Variants in MGAT5 observed in about 807,000 individuals in gnomAD.
The protein encoded by MGAT5 is alpha-1,6-mannosylglycoprotein 6-beta-N-acetylglucosaminyltransferase A.
MGAT5 carries 30 observed loss-of-function variants against 94.3 expected under a neutral mutation model. The ratio of observed to expected loss-of-function variants is 0.32; its 90% CI spans 0.24 to 0.43. The LOEUF (loss-of-function observed/expected upper bound fraction) is 0.43. Among genes scored for constraint, MGAT5 ranks in the 20% least tolerant of loss-of-function variants. MGAT5 has a pLI of 1.00. For missense variants in MGAT5, 691 were observed against 905.5 expected, an observed-to-expected ratio of 0.76 and a Z score of 3.04; for synonymous variants, 310 against 322.9, an observed-to-expected ratio of 0.96 and a Z score of 0.43.
intron 2 of MGAT5, among the ~76,000 whole-genome samples, chr2:134,316,828 C>G (rs1384585677): frequency 6.6e-6 from 1 of 152,072 alleles, no homozygotes; most frequent in African/African-American, 2.4e-5. Flanking sequence ...AAGAAATGAC[C>G]CTTAGCTTCT....
rs113584578 is a variant in MGAT5, at chr2:134,160,306, C to T, written c.-143+40015C>T. 7.6e-3 allele frequency among the ~76,000 whole-genome samples: 1,162 copies of T among 152,208 alleles called. 11 individuals are homozygous for T. Among genetic ancestry groups the T allele is most frequent in the African/African-American group, 0.026 (1,066 of 41,544 alleles). ...CTCCTGCATCAGCCTCCCGAGCAGC[C>T]GGGACTACAGGCGCCTGCCACCAGG... On this transcript the variant is annotated intron_variant, in intron 1 of 16. Transcript: ENST00000409645.
At chr2:134,122,786 G>A (rs530341391) in intron 1 of MGAT5, among the ~76,000 whole-genome samples, 1 of 152,358 alleles carries the variant, frequency 6.6e-6, no homozygotes, top group South Asian at 2.1e-4. Flanking sequence ...GAGCTTTGCA[G>A]GGTTTGCACC....
chr2:134,141,392 A>G (rs568083007), intron 1 of MGAT5, among the ~76,000 whole-genome samples: 2 of 151,842 alleles, frequency 1.3e-5, no homozygotes, highest in East Asian at 1.9e-4. Context: ...CTTATTAGCT[A>G]TTATATTCCT....
chr2:134,259,014 C>G (rs572593596), intron 1 of MGAT5, among the ~76,000 whole-genome samples: 1 of 152,330 alleles, frequency 6.6e-6, no homozygotes, highest in African/African-American at 2.4e-5. Flanking sequence ...CCCAACCCAT[C>G]CTTGTTTTGG....
At chr2:134,439,806 A>C (rs557030357) in intron 14 of MGAT5, among the ~76,000 whole-genome samples, 2 of 152,082 alleles carry the variant, frequency 1.3e-5, no homozygotes, top group Admixed American at 1.3e-4. Context: ...TGCTACACCC[A>C]CCTCCATGCC....
At chr2:134,135,690 CAAAAAAAAAA>C (rs59026836) in intron 1 of MGAT5, among the ~76,000 whole-genome samples, 5 of 41,706 alleles carry the variant, frequency 1.2e-4, no homozygotes, top group Middle Eastern at 0.013. Flanking sequence ...GACTCCATCT[CAAAAAAAAAA>C]AAAAAAAAAA....
At position 134,331,313 on chromosome 2, in the gene MGAT5, A is replaced by G. The variant is rs145496476; in HGVS notation, c.574-4904A>G. 2.5e-3 allele frequency among the ~76,000 whole-genome samples: 375 copies of G among 152,250 alleles called. 6 individuals are homozygous for G. The highest frequency in any genetic ancestry group is 0.022 in the East Asian group (113 of 5,176). ...TCCATGGAATGTGCATTGATGTTCT[A>G]AAGTTTTAGCCTGGCTGGTCTTTGT... On this transcript the variant is annotated intron_variant, in intron 4 of 15. Transcript: ENST00000281923.
At chr2:134,152,205 G>T (rs1174747019) in intron 1 of MGAT5, among the ~76,000 whole-genome samples, 1 of 138,868 alleles carries the variant, frequency 7.2e-6, no homozygotes, top group African/African-American at 2.8e-5. Context: ...CACCGCCATG[G>T]GAACTCACTC....
chr2:134,240,828 A>C (rs1681936126), intron 1 of MGAT5, among the ~76,000 whole-genome samples: 1 of 152,210 alleles, frequency 6.6e-6, no homozygotes, highest in Non-Finnish European at 1.5e-5. Context: ...AGATTCATAC[A>C]CCTGCAGTGT....
chr2:134,174,321 A>G (rs1225785379), intron 1 of MGAT5, among the ~76,000 whole-genome samples: 1 of 152,262 alleles, frequency 6.6e-6, no homozygotes. Context: ...TGAGAAACAC[A>G]TACTGCCAAA....
chr2:134,352,031 G>A (rs928053354), intron 9 of MGAT5, among the ~76,000 whole-genome samples: 2 of 152,180 alleles, frequency 1.3e-5, no homozygotes, highest in Non-Finnish European at 2.9e-5. Context: ...TGGCAGAAAT[G>A]CAAAAGTTAA....
chr2:134,252,222 A>G (rs1682650675), upstream of MGAT5, among the ~76,000 whole-genome samples: 1 of 152,286 alleles, frequency 6.6e-6, no homozygotes, highest in Non-Finnish European at 1.5e-5. Context: ...GATTGTCAGC[A>G]TAATAGAGAG....
At chr2:134,368,305 C>G (rs1177367139) in intron 10 of MGAT5, among the ~76,000 whole-genome samples, 1 of 152,240 alleles carries the variant, frequency 6.6e-6, no homozygotes, top group African/African-American at 2.4e-5. Flanking sequence ...AAGTCAGCGA[C>G]AGCCTTGCAG....
At chr2:134,319,863 C>CA (rs2105907803) in intron 4 of MGAT5, 1 of 256,382 alleles carries the variant, frequency 3.9e-6, no homozygotes, top group Admixed American at 5.0e-5. Context: ...TGTGTATGCT[C>CA]AATTTGGTAA....
intron 1 of MGAT5, among the ~76,000 whole-genome samples, chr2:134,214,866 T>A (rs1181001121): frequency 6.6e-6 from 1 of 152,126 alleles, no homozygotes; most frequent in African/African-American, 2.4e-5. Flanking sequence ...ATCCCACATG[T>A]AGAGCTTGAT....
intron 1 of MGAT5, among the ~76,000 whole-genome samples, chr2:134,154,469 G>A (rs1687380684): frequency 6.6e-6 from 1 of 152,214 alleles, no homozygotes; most frequent in Non-Finnish European, 1.5e-5. Flanking sequence ...TTTTGGGGAA[G>A]TCCTGATTAG....
chr2:134,195,090 G>A (rs369661386), intron 1 of MGAT5, among the ~76,000 whole-genome samples: 3 of 151,922 alleles, frequency 2.0e-5, no homozygotes, highest in Admixed American at 1.3e-4. Context: ...GAACACAGTC[G>A]GCATCCATAT....
At chr2:134,423,337 A>G (rs924647127) in intron 13 of MGAT5, among the ~76,000 whole-genome samples, 3 of 152,264 alleles carry the variant, frequency 2.0e-5, no homozygotes, top group Non-Finnish European at 4.4e-5. Context: ...CTATCTAAAC[A>G]TGTAGTAGAA....
chr2:134,363,508 G>A (rs1416236275), intron 10 of MGAT5, among the ~76,000 whole-genome samples: 2 of 152,206 alleles, frequency 1.3e-5, no homozygotes, highest in East Asian at 1.9e-4. Flanking sequence ...CTCAACTGCA[G>A]ACGATTTTAT....
Sources: gnomAD v4.1 joint callset for allele counts (sites outside exome capture counted in the v4.1 genomes callset) on GRCh38, gnomAD v4.1.1 for gene constraint, MANE v1.5 for transcripts, NCBI Gene and HGNC (gene_info 2026-07-23, HGNC 2026-07-21) for gene names.